The following PPP1R42 variants were observed in gnomAD, a reference collection of about 807,000 sequenced individuals.
The protein encoded by PPP1R42 is protein phosphatase 1 regulatory subunit 42.
In PPP1R42, 34 loss-of-function variants were observed where a neutral mutation model predicts 31.0. The ratio of observed to expected loss-of-function variants is 1.10; its 90% CI spans 0.83 to 1.46. PPP1R42 has a LOEUF of 1.46. Ranked by LOEUF, PPP1R42 falls within the 40% of genes most tolerant of loss-of-function variation. The probability of loss-of-function intolerance (pLI) is 0.00; values close to 1 mark genes in which losing one functional copy is unlikely to be tolerated. For missense variants in PPP1R42, 268 were observed against 303.0 expected (o/e 0.88, Z 0.86); for synonymous variants, 103 against 109.8 (o/e 0.94, Z 0.39).
Position 66,986,050 on chromosome 8 carries a change from T to C in PPP1R42, c.670+2350A>G, listed in dbSNP as rs548412607. ...CTCAGTTTGTCCACAAATCGGGGAG[T>C]AGAATCATCAAGAAAAGGTTTCAGA... On this transcript the variant is annotated intron_variant, in intron 6 of 7. Transcript: ENST00000685739. 1.3e-4 allele frequency: 95 copies of C among 745,292 alleles called. No homozygotes were observed. In the African/African-American group the frequency reaches 1.6e-3, roughly 12 times the overall value. 46.2% of individuals were successfully genotyped at this position (745,292 alleles called of 1,614,324 possible).
intron 5 of PPP1R42, among the ~76,000 whole-genome samples, chr8:67,002,228 T>A (rs1166325530): frequency 2.0e-5 from 3 of 152,252 alleles, no homozygotes; most frequent in Non-Finnish European, 4.4e-5. Context: ...ACATGGAGTT[T>A]CACTCTTGTT....
At chr8:67,014,274 G>A (rs570453664) in intron 3 of PPP1R42, 152 bp downstream of exon 3, 2 of 433,512 alleles carry the variant, frequency 4.6e-6, no homozygotes, top group South Asian at 6.8e-5. Flanking sequence ...GAATCATATG[G>A]TTTTTTTTCA....
chr8:66,983,741 A>G (rs956697033), intron 6 of PPP1R42, among the ~76,000 whole-genome samples: 8 of 152,238 alleles, frequency 5.3e-5, no homozygotes. Context: ...GTAGAAAACA[A>G]AATGTTGAAA....
chr8:67,012,159 C>T (rs1008264693), intron 4 of PPP1R42, among the ~76,000 whole-genome samples: 15 of 152,110 alleles, frequency 9.9e-5, no homozygotes, highest in Admixed American at 8.5e-4. Context: ...TTGCTTGAAC[C>T]GGGGAGGTGG....
intron 1 of PPP1R42, among the ~76,000 whole-genome samples, chr8:67,020,878 G>A (rs986423029): frequency 6.6e-6 from 1 of 152,210 alleles, no homozygotes; most frequent in Non-Finnish European, 1.5e-5. Context: ...TTGAGCCCAC[G>A]AGTTCCAGGT....
At chr8:67,003,166 CA>C (rs529377387) in intron 5 of PPP1R42, among the ~76,000 whole-genome samples, 3,207 of 57,704 alleles carry the variant, frequency 0.056, 80 homozygotes, top group African/African-American at 0.16. Context: ...AACTCCGTCT[CA>C]AAAAAAAAAA....
intron 3 of PPP1R42, among the ~76,000 whole-genome samples, chr8:67,013,866 G>C (rs973191730): frequency 1.2e-4 from 18 of 152,204 alleles, no homozygotes; most frequent in African/African-American, 4.3e-4. Context: ...GAGGCTTTTA[G>C]CCGTTTCTTT....
chr8:67,020,173 G>T (rs918897256), intron 1 of PPP1R42, among the ~76,000 whole-genome samples: 7 of 151,810 alleles, frequency 4.6e-5, no homozygotes, highest in African/African-American at 1.7e-4. Flanking sequence ...ATAATCCAGG[G>T]TTTTTTGTTG....
intron 7 of PPP1R42, among the ~76,000 whole-genome samples, chr8:66,976,253 A>G (rs1814668809): frequency 6.6e-6 from 1 of 152,124 alleles, no homozygotes; most frequent in African/African-American, 2.4e-5. Flanking sequence ...TGCAGGAAAA[A>G]AAGCTCAGGG....
intron 6 of PPP1R42, chr8:66,984,854 T>G (rs1330680589): frequency 1.3e-6 from 2 of 1,589,212 alleles, no homozygotes; most frequent in African/African-American, 2.7e-5. Context: ...AGTAGTTCCT[T>G]CTGTGCTTCC....
At chr8:67,008,507 A>G (rs1815750965) in intron 5 of PPP1R42, among the ~76,000 whole-genome samples, 1 of 152,102 alleles carries the variant, frequency 6.6e-6, no homozygotes, top group Non-Finnish European at 1.5e-5. Flanking sequence ...TAGGAGTTCG[A>G]GACCAGTCTG....
intron 6 of PPP1R42, chr8:66,984,192 A>G: frequency 6.4e-7 from 1 of 1,572,778 alleles, no homozygotes; most frequent in Non-Finnish European, 8.7e-7. Context: ...GTTCAGCCCC[A>G]TGCTTTCTGA....
At chr8:67,003,665 C>T (rs1247676425) in intron 5 of PPP1R42, among the ~76,000 whole-genome samples, 1 of 152,168 alleles carries the variant, frequency 6.6e-6, no homozygotes, top group African/African-American at 2.4e-5. Context: ...AAACATATTT[C>T]TCCATTTTCC....
intron 7 of PPP1R42, among the ~76,000 whole-genome samples, chr8:66,976,891 A>T (rs1477202355): frequency 6.6e-6 from 1 of 152,066 alleles, no homozygotes; most frequent in African/African-American, 2.4e-5. Context: ...TCCTTGATAC[A>T]CTGATTTCTT....
At chr8:66,991,781 C>G (rs1815195086) in intron 5 of PPP1R42, among the ~76,000 whole-genome samples, 1 of 151,892 alleles carries the variant, frequency 6.6e-6, no homozygotes, top group South Asian at 2.1e-4. Context: ...TATCTCTTAC[C>G]TACCATTGCC....
chr8:67,018,825 C>CCCA (rs1554542359), intron 1 of PPP1R42, among the ~76,000 whole-genome samples: 5 of 48,406 alleles, frequency 1.0e-4, no homozygotes, highest in African/African-American at 4.3e-4. Flanking sequence ...CCCCCCCCCC[C>CCCA]TTTTTTTTTT....
At chr8:66,984,663 T>G in intron 6 of PPP1R42, 1 of 1,454,954 alleles carries the variant, frequency 6.9e-7, no homozygotes, top group East Asian at 2.3e-5. Flanking sequence ...TGTGTTTTGC[T>G]GTGAGTTTTC....
At chr8:66,977,336 CTTTT>C (rs1308140668) in intron 7 of PPP1R42, among the ~76,000 whole-genome samples, 1 of 125,808 alleles carries the variant, frequency 7.9e-6, no homozygotes. Flanking sequence ...CCCACCCTTG[CTTTT>C]TTTTTTTTTT....
chr8:66,995,302 A>C (rs1399993995), intron 5 of PPP1R42, among the ~76,000 whole-genome samples: 1 of 152,246 alleles, frequency 6.6e-6, no homozygotes, highest in Non-Finnish European at 1.5e-5. Context: ...GCACATTTCA[A>C]ACATATCCTG....
Sources: allele counts gnomAD v4.1 joint callset (sites outside exome capture counted in the v4.1 genomes callset), GRCh38; gene constraint gnomAD v4.1.1; transcripts MANE v1.5; gene names NCBI Gene and HGNC (gene_info 2026-07-23, HGNC 2026-07-21).